Variants in MTRF1 observed in about 807,000 individuals in gnomAD.
MTRF1 encodes the protein mitochondrial translation release factor 1, also known as peptide chain release factor 1, mitochondrial.
Under a neutral mutation model 62.9 loss-of-function variants are expected in MTRF1, and 51 were observed. The observed-to-expected ratio is 0.81, with a 90% CI of 0.65 to 1.02. The LOEUF is 1.02. MTRF1 is among the 50% of genes least tolerant of loss of function. The pLI, the probability that MTRF1 is intolerant of heterozygous loss-of-function variation, is 0.00. For synonymous variants in MTRF1, 158 were observed against 181.9 expected (o/e 0.87, Z 1.06); for missense variants, 446 against 530.0 (o/e 0.84, Z 1.56).
chr13:41,292,532 G>T, the MTRF1 span, among the ~76,000 whole-genome samples: 1 of 134,162 alleles, frequency 7.5e-6, no homozygotes, highest in Non-Finnish European at 1.5e-5. Flanking sequence ...AGTGAGCAGA[G>T]ATCACGCCAC....
At chr13:41,278,496 C>T in the MTRF1 span, among the ~76,000 whole-genome samples, 5 of 152,196 alleles carry the variant, frequency 3.3e-5, no homozygotes, top group South Asian at 1.0e-3. Flanking sequence ...AAGTCATTTA[C>T]GGCCTATGCT....
chr13:41,223,051 A>C (rs773236920), intron 9 of MTRF1, among the ~76,000 whole-genome samples: 45 of 152,322 alleles, frequency 3.0e-4, no homozygotes, highest in Non-Finnish European at 6.2e-4. Flanking sequence ...TTTAGAAAAG[A>C]CCATTGTTTC....
intron 5 of MTRF1, among the ~76,000 whole-genome samples, chr13:41,243,575 C>A (rs757227226): frequency 5.3e-5 from 8 of 152,116 alleles, no homozygotes; most frequent in Non-Finnish European, 1.0e-4. Context: ...ACTGCTATAA[C>A]CCTGAGTAAT....
chr13:41,221,852 T>C (rs1161011485), intron 9 of MTRF1, among the ~76,000 whole-genome samples: 2 of 152,076 alleles, frequency 1.3e-5, no homozygotes, highest in Admixed American at 1.3e-4. Flanking sequence ...TGAAAGAACA[T>C]AGTGTAATTA....
At chr13:41,271,317 A>G in the MTRF1 span, among the ~76,000 whole-genome samples, 12 of 152,198 alleles carry the variant, frequency 7.9e-5, no homozygotes, top group African/African-American at 2.4e-4. Flanking sequence ...CAAAGACCAT[A>G]CTACTTCCAT....
chr13:41,256,464 T>C (rs908814029), intron 2 of MTRF1, among the ~76,000 whole-genome samples: 1 of 151,966 alleles, frequency 6.6e-6, no homozygotes, highest in Non-Finnish European at 1.5e-5. Context: ...GTAGTTGAGA[T>C]TACAGGCGCG....
chr13:41,233,837 G>A, intron 7 of MTRF1, 53 bp downstream of exon 7: 1 of 1,390,350 alleles, frequency 7.2e-7, no homozygotes, highest in East Asian at 2.3e-5. Flanking sequence ...CCTTCCAAAT[G>A]CTGAGTAAGA....
intron 8 of MTRF1, among the ~76,000 whole-genome samples, chr13:41,223,631 C>G (rs1715969660): frequency 6.6e-6 from 1 of 152,210 alleles, no homozygotes; most frequent in South Asian, 2.1e-4. Flanking sequence ...AGTTCCCCCT[C>G]CTGGTTTCTA....
chr13:41,254,580 T>G lies in MTRF1; in HGVS notation c.456A>C (p.Ala152=). Residue 152 remains alanine (A), a synonymous_variant, in exon 3 of 10, where the codon GCA becomes GCC. Transcript: ENST00000379480. ...KQDEKQLQEL[A]LEERQTIDQK... The stretch of plus-strand genomic sequence containing the variant: ...GATCAATGGTTTGCCTTTCTTCCAG[T>G]GCAAGTTCTTGTAACTGCTTTTCAT... 6.2e-7 allele frequency: 1 copy of G among 1,613,684 alleles called. No homozygotes were observed. The highest frequency in any genetic ancestry group is 8.5e-7 in the Non-Finnish European group (1 of 1,179,810).
intron 5 of MTRF1, among the ~76,000 whole-genome samples, chr13:41,249,619 CTTTTTTTTTTTTTTTT>C (rs1166204914): frequency 9.8e-5 from 6 of 61,538 alleles, no homozygotes; most frequent in African/African-American, 3.6e-4. Flanking sequence ...ATTTTTTTTT[CTTTTTTTTTTTTTTTT>C]TTTTTTTTTG....
chr13:41,240,156 CT>C lies in MTRF1; in HGVS notation c.870+104del, dbSNP rs569147159. Reference sequence around the variant, plus strand: ...CCAACCTGGGCGACAGAGCGAGACTCTGTCTCAAAAAAAAAAAAAAGGACAG... The same window carrying C: ...CCAACCTGGGCGACAGAGCGAGACTCGTCTCAAAAAAAAAAAAAAGGACAG... On this transcript the variant is annotated intron_variant, in intron 6 of 9. Transcript: ENST00000379480. The C allele has an allele frequency of 7.3e-5, 87 of 1,186,300 alleles. 2 individuals are homozygous for C. The South Asian group carries it at 1.3e-3, about 18-fold the overall frequency. 73.5% of individuals were successfully genotyped at this position (1,186,300 alleles called of 1,614,324 possible). A position where few individuals can be genotyped will look rare whatever the true frequency, so the allele number is the denominator to read the frequency against.
At chr13:41,256,359 C>T (rs1193895569) in intron 2 of MTRF1, among the ~76,000 whole-genome samples, 4 of 148,716 alleles carry the variant, frequency 2.7e-5, no homozygotes, top group Non-Finnish European at 5.9e-5. Context: ...TGGAGTCTTG[C>T]TCTGTTGCCC....
At chr13:41,283,452 A>G in the MTRF1 span, among the ~76,000 whole-genome samples, 2 of 152,050 alleles carry the variant, frequency 1.3e-5, no homozygotes, top group African/African-American at 4.8e-5. Context: ...GTTCCAGTTA[A>G]TTGTCACTGA....
the MTRF1 span, among the ~76,000 whole-genome samples, chr13:41,302,311 C>T: frequency 4.6e-5 from 7 of 151,824 alleles, no homozygotes; most frequent in South Asian, 2.1e-4. Context: ...ATTACAGGTG[C>T]GAGCCACCGT....
chr13:41,300,180 T>C, the MTRF1 span, among the ~76,000 whole-genome samples: 1 of 152,172 alleles, frequency 6.6e-6, no homozygotes, highest in East Asian at 1.9e-4. Context: ...TGATTAAGCA[T>C]AGAGTTTATT....
the MTRF1 span, among the ~76,000 whole-genome samples, chr13:41,281,773 G>A: frequency 6.6e-6 from 1 of 152,130 alleles, no homozygotes; most frequent in Non-Finnish European, 1.5e-5. Context: ...TTATTGCTTT[G>A]CTTGAATTTG....
chr13:41,258,703 T>C (rs536933174), intron 2 of MTRF1, among the ~76,000 whole-genome samples: 1 of 152,124 alleles, frequency 6.6e-6, no homozygotes, highest in Non-Finnish European at 1.5e-5. Flanking sequence ...TGTAAACCTT[T>C]GTGCCCTTAG....
intron 2 of MTRF1, among the ~76,000 whole-genome samples, chr13:41,256,343 T>C (rs967264950): frequency 8.0e-5 from 12 of 150,488 alleles, no homozygotes; most frequent in Admixed American, 2.6e-4. Context: ...TTTTTTTTTT[T>C]TGAGATGGAG....
Position 41,226,448 on chromosome 13 carries a change from C to T in MTRF1, c.1109G>A (p.Ser370Asn). Reference sequence around the variant, plus strand: ...AAATCTTACCTGCAGTTTTCTAGCACTTTGTTGCTGACGCTTGTCTTTCTC... The same window carrying T: ...AAATCTTACCTGCAGTTTTCTAGCATTTTGTTGCTGACGCTTGTCTTTCTC... ...IIEKDKRQQQ[S>N]ARKLQVGTRA... Residue 370 changes from serine (S) to asparagine (N), a missense_variant, in exon 8 of 10, where the codon AGT becomes AAT. Ser to Asn is a conservative substitution (Grantham distance 46). Coordinates refer to ENST00000379480, the MANE Select transcript of MTRF1 (RefSeq NM_004294.4). The T allele has an allele frequency of 6.2e-7, 1 of 1,611,010 alleles. No individual in the cohort carries two copies. The highest frequency in any genetic ancestry group is 8.5e-7 in the Non-Finnish European group (1 of 1,179,452).
Sources: allele counts gnomAD v4.1 joint callset (sites outside exome capture counted in the v4.1 genomes callset), GRCh38; gene constraint gnomAD v4.1.1; transcripts MANE v1.5; gene names NCBI Gene and HGNC (gene_info 2026-07-23, HGNC 2026-07-21).